PHF3: variants seen among roughly 807,000 people sequenced by gnomAD.
PHF3 encodes the protein PHD finger protein 3.
Under a neutral mutation model 178.4 loss-of-function variants are expected in PHF3, and 41 were observed. The observed-to-expected ratio is 0.23, with a 90% CI of 0.18 to 0.30. The LOEUF (loss-of-function observed/expected upper bound fraction) is 0.30. Among genes scored for constraint, PHF3 ranks in the 10% least tolerant of loss-of-function variants. The probability of loss-of-function intolerance (pLI) is 1.00; values close to 1 mark genes in which losing one functional copy is unlikely to be tolerated. For synonymous variants in PHF3, 842 were observed against 800.5 expected (o/e 1.05, Z -0.88); for missense variants, 2,346 against 2,398.1 (o/e 0.98, Z 0.45).
rs1229025998 is a variant in PHF3 at position 63,667,456 on chromosome 6, T to G, written c.245-12544T>G. Among the ~76,000 whole-genome samples the G allele has an allele frequency of 3.9e-5, 6 of 152,202 alleles. 1 individual carries two copies. In the South Asian group the frequency reaches 8.3e-4, roughly 21 times the overall value. ...ATTTTGCTATATTTGTTGTATTAATTTATCAGTTTACCAGTTCATCCATCC... is the reference window on the plus strand; with the variant it reads ...ATTTTGCTATATTTGTTGTATTAATGTATCAGTTTACCAGTTCATCCATCC... On this transcript the variant is annotated intron_variant, in intron 2 of 15. Coordinates refer to ENST00000262043, the MANE Select transcript of PHF3 (RefSeq NM_001370348.2).
At chr6:63,696,950 C>T (rs1767255075) in intron 6 of PHF3, among the ~76,000 whole-genome samples, 2 of 151,818 alleles carry the variant, frequency 1.3e-5, no homozygotes, top group Non-Finnish European at 2.9e-5. Flanking sequence ...GGGAGTTTTG[C>T]TGTTTAAAGA....
intron 11 of PHF3, among the ~76,000 whole-genome samples, chr6:63,705,428 G>T (rs1188160543): frequency 6.6e-6 from 1 of 152,178 alleles, no homozygotes; most frequent in African/African-American, 2.4e-5. Flanking sequence ...CCTGAGCTCC[G>T]CCTCCTGTCA....
At position 63,684,363 on chromosome 6, in the gene PHF3, C is replaced by T; in HGVS notation, c.641C>T (p.Ser214Leu). The T allele has an allele frequency of 6.2e-7, 1 of 1,613,784 alleles. No homozygotes were observed. The highest frequency in any genetic ancestry group is 1.1e-5 in the South Asian group (1 of 91,064). The change falls in exon 4 of 16, where the codon TCA becomes TTA. Residue 214 changes from serine (S) to leucine (L), a missense_variant. Around this residue, in one of 8 missense-constraint regions of PHF3, gnomAD observed 843 missense variants for 795.2 expected, o/e 1.06. Transcript: ENST00000262043. ...CAAATTGAAGTGGTACCTGAAGTAT[C>T]AGTGTCTTCAAGTCATTCTTCAGTG... ...SGQIEVVPEV[S>L]VSSSHSSVSS...
In PHF3 at chr6:63,693,077, G is replaced by C. The variant is rs976812204; in HGVS notation, c.2496+1034G>C. 2.6e-5 allele frequency among the ~76,000 whole-genome samples: 4 copies of C among 152,088 alleles called. No individual in the cohort carries two copies. The South Asian group carries it at 8.3e-4, about 32-fold the overall frequency. ...GTCTGTCAAGACTTTTTGAAAATCAGATTCTGTCCTTCTGATACGTGTTAT... is the reference window on the plus strand; with the variant it reads ...GTCTGTCAAGACTTTTTGAAAATCACATTCTGTCCTTCTGATACGTGTTAT... On this transcript the variant is annotated intron_variant, in intron 5 of 15. Transcript: ENST00000262043.
At chr6:63,641,521 GGTGTGT>G (rs1338144132) in intron 1 of PHF3, among the ~76,000 whole-genome samples, 184 of 128,402 alleles carry the variant, frequency 1.4e-3, no homozygotes, top group Non-Finnish European at 2.1e-3. Flanking sequence ...TTTATTGTTA[GGTGTGT>G]ATGTGTGTGT....
rs145733639 is a variant in PHF3, at chr6:63,648,481, A to G, written c.244+1686A>G. On this transcript the variant is annotated intron_variant, in intron 2 of 15. Transcript: ENST00000262043. ...GACACATGTGTCATCTTGTTAGACT[A>G]TTTTACTTATAAAATTCCACCCCTA... Among the ~76,000 whole-genome samples, 58 of 152,196 alleles carry G rather than the reference A, an allele frequency of 3.8e-4. No homozygotes were observed. The East Asian group carries it at 0.011, about 28-fold the overall frequency.
chr6:63,705,492 A>T (rs1200379924), intron 11 of PHF3, among the ~76,000 whole-genome samples: 1 of 152,174 alleles, frequency 6.6e-6, no homozygotes, highest in South Asian at 2.1e-4. Context: ...TGAACTGCAC[A>T]TGTGAAGGAT....
rs1478298089 is a variant in PHF3 at position 63,722,031 on chromosome 6, C to T, written c.*8323C>T. 3.3e-5 allele frequency among the ~76,000 whole-genome samples: 5 copies of T among 152,132 alleles called. No homozygotes were observed. Among genetic ancestry groups the T allele is most frequent in the Non-Finnish European group, 5.9e-5 (4 of 68,018 alleles). ...ATTTTCTCTAGTTGTGGACAGTTCT[C>T]ATTGAATGAATATATTGTGGTAGTA... On this transcript the variant is annotated 3_prime_UTR_variant, in exon 16 of 16. Transcript: ENST00000262043.
chr6:63,706,018 T>C lies in PHF3; in HGVS notation c.3368-11T>C. 5 of 1,602,410 alleles carry C rather than the reference T, an allele frequency of 3.1e-6. No individual in the cohort carries two copies. Among genetic ancestry groups the C allele is most frequent in the Non-Finnish European group, 4.3e-6 (5 of 1,175,484 alleles). ...TAACAGTTGGTTTCTTTTGATGTAT[T>C]CTGGGCTTAGGTCGAATGGCACCAC... On this transcript the variant is annotated splice_polypyrimidine_tract_variant and intron_variant, in intron 11 of 15. Coordinates refer to ENST00000262043, the MANE Select transcript of PHF3 (RefSeq NM_001370348.2).
At chr6:63,640,774 G>A (rs558607497) in intron 1 of PHF3, among the ~76,000 whole-genome samples, 2 of 152,304 alleles carry the variant, frequency 1.3e-5, no homozygotes, top group East Asian at 1.9e-4. Flanking sequence ...ATATAAGGTT[G>A]TTTTGAGGAT....
At chr6:63,663,916 T>C (rs1308134706) in intron 2 of PHF3, among the ~76,000 whole-genome samples, 4 of 152,194 alleles carry the variant, frequency 2.6e-5, no homozygotes, top group Admixed American at 6.5e-5. Flanking sequence ...AATATCTCCT[T>C]CATTTAAAAT....
At chr6:63,667,046 T>C (rs897704230) in intron 2 of PHF3, among the ~76,000 whole-genome samples, 24 of 151,838 alleles carry the variant, frequency 1.6e-4, no homozygotes, top group African/African-American at 4.8e-4. Context: ...GGTCTCCTTA[T>C]GTTGCCCAGG....
rs763915660 is a variant in PHF3, at chr6:63,711,379, A to G, written c.3997+17A>G. On this transcript the variant is annotated intron_variant, in intron 15 of 15. Coordinates refer to ENST00000262043, the MANE Select transcript of PHF3 (RefSeq NM_001370348.2). Reference sequence around the variant, plus strand: ...ATGGACCTGGTAGGTATACGTTTTAATAATAGGATAAGAATGAAATAACAT... The same window carrying G: ...ATGGACCTGGTAGGTATACGTTTTAGTAATAGGATAAGAATGAAATAACAT... The G allele has an allele frequency of 3.8e-5, 60 of 1,567,654 alleles. No individual in the cohort carries two copies. Among genetic ancestry groups the G allele is most frequent in the Non-Finnish European group, 5.1e-5 (59 of 1,151,196 alleles).
chr6:63,677,545 C>G (rs2149575125), intron 2 of PHF3, among the ~76,000 whole-genome samples: 1 of 152,294 alleles, frequency 6.6e-6, no homozygotes, highest in African/African-American at 2.4e-5. Context: ...CCTGTTGATT[C>G]TGCTTTGTAA....
At position 63,719,828 on chromosome 6, in the gene PHF3, C is replaced by G. The variant is rs1768303390; in HGVS notation, c.*6120C>G. The stretch of plus-strand genomic sequence containing the variant: ...CAAATAGTTCTACAAGGTTCATAAG[C>G]AAAAAGCAACAGGCTTCTGCACTAC... On this transcript the variant is annotated 3_prime_UTR_variant, in exon 16 of 16. Transcript: ENST00000262043. Among the ~76,000 whole-genome samples the G allele has an allele frequency of 6.6e-6, 1 of 152,018 alleles. No homozygotes were observed.
chr6:63,639,849 A>G (rs1764499217), intron 1 of PHF3, among the ~76,000 whole-genome samples: 1 of 152,224 alleles, frequency 6.6e-6, no homozygotes, highest in African/African-American at 2.4e-5. Flanking sequence ...ATGATGAGCT[A>G]GGTCCACTAC....
chr6:63,710,710 G>A (rs1371066574), intron 14 of PHF3, among the ~76,000 whole-genome samples: 1 of 152,102 alleles, frequency 6.6e-6, no homozygotes, highest in Admixed American at 6.6e-5. Flanking sequence ...TAGTAGATTT[G>A]TCTGTTTGTG....
At chr6:63,709,032 ATTTAC>A (rs1297458482) in intron 13 of PHF3, 114 bp from the exon 14 acceptor site, 4 of 547,450 alleles carry the variant, frequency 7.3e-6, no homozygotes, top group East Asian at 3.3e-5. Context: ...TAATCTCTTT[ATTTAC>A]TTGTTTTTAT....
intron 1 of PHF3, among the ~76,000 whole-genome samples, chr6:63,642,416 G>A (rs906016789): frequency 1.3e-5 from 2 of 152,144 alleles, no homozygotes; most frequent in East Asian, 1.9e-4. Context: ...TGAGTTTTTC[G>A]ACTTTCAGAT....
Sources: gnomAD v4.1 joint callset for allele counts (sites outside exome capture counted in the v4.1 genomes callset) on GRCh38, gnomAD v4.1.1 for gene constraint, gnomAD v4.1.1 regional missense constraint, MANE v1.5 for transcripts, NCBI Gene and HGNC (gene_info 2026-07-23, HGNC 2026-07-21) for gene names.